THSD4: variants seen among roughly 807,000 people sequenced by gnomAD.
The protein encoded by THSD4 is thrombospondin type-1 domain-containing protein 4.
A neutral mutation model predicts 119.0 loss-of-function variants in THSD4; 69 were observed. The ratio of observed to expected loss-of-function variants is 0.58; its 90% CI spans 0.48 to 0.71. The LOEUF (loss-of-function observed/expected upper bound fraction) is 0.71, where lower values mean the gene tolerates loss of function less well. Among genes scored for constraint, THSD4 ranks in the 30% least tolerant of loss-of-function variants. THSD4 has a pLI of 0.00. For synonymous variants in THSD4, 524 were observed against 540.4 expected (o/e 0.97, Z 0.42); for missense variants, 1,393 against 1,391.1 (o/e 1.00, Z -0.02).
chr15:71,331,356 A>G (rs542783021), intron 6 of THSD4, among the ~76,000 whole-genome samples: 3 of 152,354 alleles, frequency 2.0e-5, no homozygotes, highest in East Asian at 1.9e-4. Context: ...CAGGCGGCCA[A>G]GATCACTGGG....
chr15:71,451,572 T>C (rs994913298), intron 7 of THSD4, among the ~76,000 whole-genome samples: 3 of 152,184 alleles, frequency 2.0e-5, no homozygotes, highest in Non-Finnish European at 4.4e-5. Context: ...CCTGAACTCC[T>C]TCAGTGGACA....
intron 7 of THSD4, among the ~76,000 whole-genome samples, chr15:71,453,403 G>C (rs2047293512): frequency 6.6e-6 from 1 of 152,194 alleles, no homozygotes; most frequent in African/African-American, 2.4e-5. Context: ...TTCAGGAACT[G>C]ATCTGTCATC....
At chr15:71,226,729 C>T (rs1672921629) in intron 4 of THSD4, among the ~76,000 whole-genome samples, 1 of 152,164 alleles carries the variant, frequency 6.6e-6, no homozygotes, top group Non-Finnish European at 1.5e-5. Flanking sequence ...CAGTCAATAC[C>T]CAGGGAGTCT....
At chr15:71,161,168 G>C (rs538164834) in intron 3 of THSD4, among the ~76,000 whole-genome samples, 33 of 151,970 alleles carry the variant, frequency 2.2e-4, no homozygotes, top group Admixed American at 2.1e-3. Context: ...GTGGCCTGAC[G>C]TGTGATCTAA....
chr15:71,271,546 A>C (rs2044530594), intron 6 of THSD4, among the ~76,000 whole-genome samples: 1 of 152,260 alleles, frequency 6.6e-6, no homozygotes, highest in African/African-American at 2.4e-5. Context: ...CATGATTGGC[A>C]TTATATACAC....
chr15:71,707,257 A>G (rs1264355460), intron 8 of THSD4, among the ~76,000 whole-genome samples: 1 of 152,204 alleles, frequency 6.6e-6, no homozygotes, highest in Non-Finnish European at 1.5e-5. Context: ...GATGTCCAGA[A>G]GCCCACACGA....
At chr15:71,495,925 G>A (rs1292268179) in intron 7 of THSD4, among the ~76,000 whole-genome samples, 1 of 152,176 alleles carries the variant, frequency 6.6e-6, no homozygotes, top group African/African-American at 2.4e-5. Flanking sequence ...GGCTTTGGCA[G>A]CGTTCAGGAC....
intron 7 of THSD4, among the ~76,000 whole-genome samples, chr15:71,422,703 A>T (rs987282107): frequency 6.6e-6 from 1 of 152,098 alleles, no homozygotes; most frequent in Non-Finnish European, 1.5e-5. Flanking sequence ...TACTGCTTAC[A>T]TTCACTCAAG....
chr15:71,426,016 G>A (rs1323777256), intron 7 of THSD4, among the ~76,000 whole-genome samples: 2 of 152,194 alleles, frequency 1.3e-5, no homozygotes, highest in South Asian at 2.1e-4. Flanking sequence ...CTAAGAAAGT[G>A]TGAGTGCATG....
At chr15:71,311,513 G>C (rs2045110362) in intron 6 of THSD4, among the ~76,000 whole-genome samples, 1 of 152,152 alleles carries the variant, frequency 6.6e-6, no homozygotes, top group Non-Finnish European at 1.5e-5. Context: ...GAAGAGTGCT[G>C]TGCTCCCTGC....
chr15:71,215,684 C>T (rs1272062321), intron 4 of THSD4, among the ~76,000 whole-genome samples: 2 of 152,292 alleles, frequency 1.3e-5, no homozygotes, highest in Middle Eastern at 3.4e-3. Flanking sequence ...TTAGGGAGGC[C>T]TCCTAGAGGG....
rs74750376 is a variant in THSD4, at chr15:71,402,467, C to G, written c.1016-9220C>G. Reference sequence around the variant, plus strand: ...TGATCCTAAAGCAGAGATTTGTGCCCAGTGTTCCTTGGGGCACAACACCTG... The same window carrying G: ...TGATCCTAAAGCAGAGATTTGTGCCGAGTGTTCCTTGGGGCACAACACCTG... On this transcript the variant is annotated intron_variant, in intron 6 of 17. Transcript: ENST00000261862. Among the ~76,000 whole-genome samples, 1,466 of 152,232 alleles carry G rather than the reference C, an allele frequency of 9.6e-3. 30 individuals carry two copies. The highest frequency in any genetic ancestry group is 0.034 in the African/African-American group (1,422 of 41,520).
At chr15:71,139,455 G>T (rs936160709) in intron 1 of THSD4, among the ~76,000 whole-genome samples, 4 of 152,188 alleles carry the variant, frequency 2.6e-5, no homozygotes, top group Non-Finnish European at 5.9e-5. Flanking sequence ...CCACACCTCT[G>T]ATTCAAAGGC....
intron 3 of THSD4, among the ~76,000 whole-genome samples, chr15:71,163,340 C>A (rs1194616337): frequency 2.0e-5 from 3 of 151,632 alleles, no homozygotes; most frequent in African/African-American, 7.3e-5. Flanking sequence ...ATTACATAAA[C>A]AAATGCAAAT....
chr15:71,158,559 G>A (rs180860343), intron 3 of THSD4, among the ~76,000 whole-genome samples: 201 of 152,102 alleles, frequency 1.3e-3, no homozygotes, highest in Non-Finnish European at 2.5e-3. Context: ...GTGATGTTGA[G>A]CATTTCAAAA....
chr15:71,660,727 C>G lies in THSD4; in HGVS notation c.1350C>G (p.Asn450Lys). ...TCACGGAGATGTACAAGAGCAACAA[C>G]TATTTGGGTAAGCTTGGTCTTTTTC... Reference protein sequence around the residue: ...INITEMYKSNNYLALRSRSGR... With the variant: ...INITEMYKSNKYLALRSRSGR... The change falls in exon 8 of 18, where the codon AAC (asparagine) becomes AAG (lysine). Residue 450 changes from asparagine (N) to lysine (K), a missense_variant. By Grantham distance (94) the Asn-to-Lys change is moderately conservative. Coordinates refer to ENST00000261862, the MANE Select transcript of THSD4 (RefSeq NM_024817.3). The G allele has an allele frequency of 6.2e-7, 1 of 1,614,116 alleles. No individual in the cohort carries two copies. Among genetic ancestry groups the G allele is most frequent in the Non-Finnish European group, 8.5e-7 (1 of 1,180,012 alleles).
chr15:71,597,671 C>T (rs1262450783), intron 7 of THSD4, among the ~76,000 whole-genome samples: 2 of 152,200 alleles, frequency 1.3e-5, no homozygotes, highest in African/African-American at 4.8e-5. Context: ...CTTAGTTTCT[C>T]CTGCATATGT....
intron 3 of THSD4, among the ~76,000 whole-genome samples, chr15:71,161,515 A>T (rs1371391843): frequency 1.3e-5 from 2 of 151,758 alleles, no homozygotes; most frequent in African/African-American, 2.4e-5. Flanking sequence ...TTCTTTTTAC[A>T]GTTTTGGATT....
intron 8 of THSD4, among the ~76,000 whole-genome samples, chr15:71,718,275 A>G (rs577984115): frequency 6.6e-6 from 1 of 152,318 alleles, no homozygotes; most frequent in East Asian, 1.9e-4. Context: ...TCTCTTCTAG[A>G]TAAATTGGGC....
Sources: gnomAD v4.1 joint callset for allele counts (sites outside exome capture counted in the v4.1 genomes callset) on GRCh38, gnomAD v4.1.1 for gene constraint, MANE v1.5 for transcripts, NCBI Gene and HGNC (gene_info 2026-07-23, HGNC 2026-07-21) for gene names.